Variants in MSRB3 observed in about 807,000 individuals in gnomAD.
MSRB3 encodes the protein methionine-R-sulfoxide reductase B3.
Under a neutral mutation model 21.0 loss-of-function variants are expected in MSRB3, and 13 were observed. That is an observed-to-expected ratio of 0.62 (90% CI 0.40 to 0.98). The LOEUF (loss-of-function observed/expected upper bound fraction) is 0.98. Ranked by LOEUF, MSRB3 falls within the 50% of genes least tolerant of loss-of-function variation. The pLI, the probability that MSRB3 is intolerant of heterozygous loss-of-function variation, is 0.00. For missense variants in MSRB3, 199 were observed against 230.3 expected, an observed-to-expected ratio of 0.86 and a Z score of 0.88; for synonymous variants, 87 against 88.6, an observed-to-expected ratio of 0.98 and a Z score of 0.10.
At chr12:65,290,190 G>A (rs926918605) in intron 1 of MSRB3, among the ~76,000 whole-genome samples, 6 of 152,022 alleles carry the variant, frequency 3.9e-5, no homozygotes, top group Non-Finnish European at 1.5e-5. Context: ...TATGTGCTAT[G>A]TGTCAGGCAC....
intron 5 of MSRB3, among the ~76,000 whole-genome samples, chr12:65,415,649 AT>A (rs1401726656): frequency 6.6e-6 from 1 of 152,278 alleles, no homozygotes; most frequent in African/African-American, 2.4e-5. Flanking sequence ...ATTTAGGGAA[AT>A]TGGAATAAGC....
At chr12:65,318,309 A>G (rs1046000225) in intron 2 of MSRB3, among the ~76,000 whole-genome samples, 6 of 152,154 alleles carry the variant, frequency 3.9e-5, no homozygotes, top group Non-Finnish European at 7.3e-5. Flanking sequence ...AGTATACTCA[A>G]TGTTACATTT....
chr12:65,431,369 C>T (rs757460982), intron 5 of MSRB3, among the ~76,000 whole-genome samples: 8 of 151,982 alleles, frequency 5.3e-5, no homozygotes, highest in Non-Finnish European at 1.0e-4. Context: ...CACTTGCTGC[C>T]TATACAGTTT....
At chr12:65,445,583 G>C (rs935922116) in intron 5 of MSRB3, among the ~76,000 whole-genome samples, 1 of 150,850 alleles carries the variant, frequency 6.6e-6, no homozygotes. Context: ...AATTTTTAGA[G>C]TCTATAGGTT....
chr12:65,433,009 A>G (rs1881956646), intron 5 of MSRB3, among the ~76,000 whole-genome samples: 1 of 108,064 alleles, frequency 9.3e-6, no homozygotes, highest in Non-Finnish European at 2.4e-5. Context: ...AAAAATTGGA[A>G]TCTTATACTA....
Position 65,339,134 on chromosome 12 carries a change from T to C in MSRB3, c.263+10531T>C, listed in dbSNP as rs115361547. Among the ~76,000 whole-genome samples the C allele has an allele frequency of 8.1e-3, 1,231 of 152,274 alleles. 18 individuals are homozygous for C. The highest frequency in any genetic ancestry group is 0.029 in the African/African-American group (1,190 of 41,558). On this transcript the variant is annotated intron_variant, in intron 4 of 6. Coordinates refer to ENST00000308259, the MANE Select transcript of MSRB3 (RefSeq NM_001031679.3). ...GACATTCCAGACAGAGACATACTGCTAAGAGGCAGACATACTAACAGAAAG... is the reference window on the plus strand; with the variant it reads ...GACATTCCAGACAGAGACATACTGCCAAGAGGCAGACATACTAACAGAAAG...
At chr12:65,456,235 G>C (rs1416452320) in intron 6 of MSRB3, among the ~76,000 whole-genome samples, 2 of 152,012 alleles carry the variant, frequency 1.3e-5, no homozygotes, top group East Asian at 3.8e-4. Context: ...GTTTTAACTC[G>C]TTTTCACTCA....
chr12:65,353,293 T>C (rs915241419), intron 4 of MSRB3, among the ~76,000 whole-genome samples: 18 of 152,306 alleles, frequency 1.2e-4, no homozygotes, highest in African/African-American at 3.1e-4. Flanking sequence ...TAACTTTCTA[T>C]CTCGTTGATC....
intron 4 of MSRB3, among the ~76,000 whole-genome samples, chr12:65,337,037 A>G (rs1402401800): frequency 6.6e-6 from 1 of 152,034 alleles, no homozygotes; most frequent in Non-Finnish European, 1.5e-5. Flanking sequence ...AGGTCAAGAG[A>G]TCAAGACCAT....
At chr12:65,421,231 T>C (rs1203788335) in intron 5 of MSRB3, among the ~76,000 whole-genome samples, 2 of 150,182 alleles carry the variant, frequency 1.3e-5, no homozygotes, top group African/African-American at 4.8e-5. Flanking sequence ...TTGACCTTTT[T>C]TTCATGCTTG....
intron 2 of MSRB3, among the ~76,000 whole-genome samples, chr12:65,321,716 G>A (rs965862260): frequency 5.9e-5 from 9 of 152,028 alleles, no homozygotes; most frequent in Non-Finnish European, 1.3e-4. Context: ...GTCTAAATTT[G>A]ACTTTTCCAA....
At chr12:65,357,779 G>T (rs971427396) in intron 4 of MSRB3, among the ~76,000 whole-genome samples, 5 of 151,848 alleles carry the variant, frequency 3.3e-5, no homozygotes, top group African/African-American at 4.8e-5. Flanking sequence ...ACTAGATTGG[G>T]GTTATGGTTT....
At chr12:65,311,893 C>CT (rs1307187950) in intron 2 of MSRB3, among the ~76,000 whole-genome samples, 3 of 151,954 alleles carry the variant, frequency 2.0e-5, no homozygotes, top group East Asian at 1.9e-4. Context: ...TCAGCTTTGA[C>CT]TTTTTTTACG....
intron 6 of MSRB3, among the ~76,000 whole-genome samples, chr12:65,456,972 C>G (rs1318185357): frequency 1.3e-5 from 2 of 151,910 alleles, no homozygotes; most frequent in South Asian, 4.2e-4. Context: ...GTTTATTTTC[C>G]TTTTGTTTTA....
intron 1 of MSRB3, among the ~76,000 whole-genome samples, chr12:65,288,419 T>A (rs1196335031): frequency 3.3e-5 from 5 of 152,324 alleles, no homozygotes; most frequent in African/African-American, 9.6e-5. Context: ...TATGTCTTTT[T>A]AAAAAATATT....
At chr12:65,320,086 ACT>A (rs1369654650) in intron 2 of MSRB3, among the ~76,000 whole-genome samples, 1 of 152,142 alleles carries the variant, frequency 6.6e-6, no homozygotes, top group Non-Finnish European at 1.5e-5. Context: ...GTTAATTAGA[ACT>A]CTGTGCATAC....
At chr12:65,348,305 T>A (rs1377471729) in intron 4 of MSRB3, among the ~76,000 whole-genome samples, 1 of 152,212 alleles carries the variant, frequency 6.6e-6, no homozygotes. Context: ...CTTCCTGGTT[T>A]AGTCTTGGGA....
chr12:65,327,013 ATTAAT>A (rs1832416954), intron 3 of MSRB3, 79 bp downstream of exon 3: 6 of 1,017,838 alleles, frequency 5.9e-6, no homozygotes. Flanking sequence ...TTCCTTGCCA[ATTAAT>A]TTAAAGCATT....
chr12:65,289,505 T>A (rs1337694064), intron 1 of MSRB3, among the ~76,000 whole-genome samples: 2 of 152,068 alleles, frequency 1.3e-5, no homozygotes, highest in East Asian at 3.9e-4. Context: ...AATAAATAAA[T>A]AAATAAAAGT....
Sources: allele counts gnomAD v4.1 joint callset (sites outside exome capture counted in the v4.1 genomes callset), GRCh38; gene constraint gnomAD v4.1.1; transcripts MANE v1.5; gene names NCBI Gene and HGNC (gene_info 2026-07-23, HGNC 2026-07-21).